The following ATP1A2 variants were observed in gnomAD, a reference collection of about 807,000 sequenced individuals.
The protein encoded by ATP1A2 is ATPase Na+/K+ transporting subunit alpha 2.
Under a neutral mutation model 113.1 loss-of-function variants are expected in ATP1A2, and 56 were observed. The ratio of observed to expected loss-of-function variants is 0.49; its 90% confidence interval spans 0.40 to 0.62. The LOEUF (loss-of-function observed/expected upper bound fraction) is 0.62, where lower values mean the gene tolerates loss of function less well. ATP1A2 is among the 20% of genes least tolerant of loss of function. ATP1A2 has a pLI of 0.00. For synonymous variants in ATP1A2, 490 were observed against 526.8 expected (o/e 0.93, Z 0.96); for missense variants, 712 against 1,357.8 (o/e 0.52, Z 7.47).
At chr1:160,120,834 T>C in intron 1 of ATP1A2, 72 bp from the exon 2 acceptor site, 3 of 1,484,794 alleles carry the variant, frequency 2.0e-6, no homozygotes, top group Non-Finnish European at 2.8e-6. Flanking sequence ...CTGGGCTCCC[T>C]GGCTGAGTGG....
intron 22 of ATP1A2, among the ~76,000 whole-genome samples, chr1:160,140,407 G>C (rs1558010586): frequency 6.6e-6 from 1 of 152,116 alleles, no homozygotes; most frequent in Admixed American, 6.6e-5. Flanking sequence ...ACAAGTTATT[G>C]TTTTTCCTAC....
chr1:160,120,360 G>A (rs953283706), intron 1 of ATP1A2, among the ~76,000 whole-genome samples: 3 of 151,960 alleles, frequency 2.0e-5, no homozygotes, highest in African/African-American at 7.3e-5. Context: ...ACCAGACCTG[G>A]CTCTCCTCTG....
intron 3 of ATP1A2, among the ~76,000 whole-genome samples, chr1:160,122,119 G>A (rs1290264536): frequency 2.0e-5 from 3 of 152,180 alleles, no homozygotes; most frequent in Non-Finnish European, 2.9e-5. Context: ...GCGATAGAGT[G>A]AGACTCCATC....
chr1:160,127,739 C>T lies in ATP1A2; in HGVS notation c.936C>T (p.Gly312=). ...VSFFVLSLIL[G]YSWLEAVIFL... is the part of the protein sequence containing the mutation. ...TCTTCGTGCTCTCCCTCATCCTGGG[C>T]TACAGCTGGCTGGAGGCAGTCATCT... is the stretch of plus-strand genomic sequence containing the variant. Residue 312 remains glycine, a synonymous_variant, in exon 8 of 23, where the codon GGC becomes GGT. Coordinates refer to ENST00000361216, the MANE Select transcript of ATP1A2 (RefSeq NM_000702.4). 1 of 1,614,214 alleles carries T rather than the reference C, an allele frequency of 6.2e-7. No individual in the cohort carries two copies. Among genetic ancestry groups the T allele is most frequent in the Non-Finnish European group, 8.5e-7 (1 of 1,180,022 alleles).
At chr1:160,117,003 C>T (rs1449133150) in intron 1 of ATP1A2, among the ~76,000 whole-genome samples, 3 of 152,006 alleles carry the variant, frequency 2.0e-5, no homozygotes, top group Non-Finnish European at 4.4e-5. Flanking sequence ...TCTCCATAGG[C>T]GGGGAGTCCT....
intron 4 of ATP1A2, 147 bp downstream of exon 4, chr1:160,123,563 T>C (rs1651489532): frequency 2.0e-6 from 2 of 998,380 alleles, no homozygotes; most frequent in Non-Finnish European, 1.5e-6. Context: ...GGGGAGAGGC[T>C]TCTATATATA....
intron 11 of ATP1A2, among the ~76,000 whole-genome samples, 161 bp downstream of exon 11, chr1:160,129,561 G>A (rs1651702466): frequency 6.6e-6 from 1 of 152,062 alleles, no homozygotes; most frequent in South Asian, 2.1e-4. Flanking sequence ...CTGCATGTCT[G>A]ATTGCAACTA....
At chr1:160,123,458 C>T (rs1651484886) in intron 4 of ATP1A2, 42 bp downstream of exon 4, 1 of 1,612,874 alleles carries the variant, frequency 6.2e-7, no homozygotes, top group African/African-American at 1.3e-5. Context: ...CGTGACTGTC[C>T]TCCAACCCTG....
intron 1 of ATP1A2, among the ~76,000 whole-genome samples, chr1:160,117,580 G>T (rs1271561882): frequency 6.6e-6 from 1 of 152,140 alleles, no homozygotes; most frequent in Non-Finnish European, 1.5e-5. Flanking sequence ...GGTATTTAGG[G>T]CCTGGAGCTT....
rs1360117487 is a variant in ATP1A2, at chr1:160,123,981, C to T, written c.420C>T (p.Val140=). ...TGGTGCTGGCAGCTGTGGTCATTGT[C>T]ACTGGCTGCTTCTCCTACTACCAGG... ...LGVVLAAVVI[V]TGCFSYYQEA... Residue 140 remains valine, a synonymous_variant, in exon 5 of 23, where the codon GTC becomes GTT. Transcript: ENST00000361216. 1 of 1,614,222 alleles carries T rather than the reference C, an allele frequency of 6.2e-7. No individual in the cohort carries two copies. The highest frequency in any genetic ancestry group is 1.1e-5 in the South Asian group (1 of 91,088).
At chr1:160,129,222 C>T (rs772762868) in intron 10 of ATP1A2, 44 bp from the exon 11 acceptor site, 1 of 1,613,946 alleles carries the variant, frequency 6.2e-7, no homozygotes, top group Non-Finnish European at 8.5e-7. Context: ...TCCTCCACTC[C>T]CTTCCCTCCC....
chr1:160,134,393 G>T, intron 13 of ATP1A2, 91 bp from the exon 14 acceptor site: 1 of 1,587,708 alleles, frequency 6.3e-7, no homozygotes, highest in Non-Finnish European at 8.6e-7. Context: ...CAGACATCTC[G>T]CTATCTAGCT....
rs554676937 is a variant in ATP1A2, at chr1:160,130,794, G to A, written c.1827+197G>A. On this transcript the variant is annotated intron_variant, in intron 13 of 22. Coordinates refer to ENST00000361216, the MANE Select transcript of ATP1A2 (RefSeq NM_000702.4). ...ACCCTTATCCCTTTTGCTCAGAGAG[G>A]CCAGTGTCCCATGCCCCTCCTCTCC... Among the ~76,000 whole-genome samples, 92 of 152,298 alleles carry A rather than the reference G, an allele frequency of 6.0e-4. 1 individual carries two copies. The highest frequency in any genetic ancestry group is 1.0e-3 in the Non-Finnish European group (69 of 68,012).
At chr1:160,129,216 C>T in intron 10 of ATP1A2, 50 bp from the exon 11 acceptor site, 2 of 1,613,758 alleles carry the variant, frequency 1.2e-6, no homozygotes, top group Non-Finnish European at 1.7e-6. Context: ...ACCTGATCCT[C>T]CACTCCCTTC....
At chr1:160,138,991 C>T (rs1233038300) in intron 20 of ATP1A2, among the ~76,000 whole-genome samples, 3 of 152,268 alleles carry the variant, frequency 2.0e-5, no homozygotes, top group South Asian at 2.1e-4. Context: ...AGAGAAGGAA[C>T]GTGAGGCTCA....
Position 160,135,746 on chromosome 1 carries a change from C to A in ATP1A2, c.2285-93C>A. 1 of 1,611,022 alleles carries A rather than the reference C, an allele frequency of 6.2e-7. No homozygotes were observed. ...TAGCTTCCCTTGAACACAAAATCTT[C>A]CTCTCTTGGGAAGACAGGCAGCCAT... On this transcript the variant is annotated intron_variant, in intron 16 of 22. Transcript: ENST00000361216. The surrounding 1 kb of genome is among the most constrained non-coding windows in gnomAD (Gnocchi z 6.3).
intron 22 of ATP1A2, 39 bp downstream of exon 22, chr1:160,140,023 C>T: frequency 6.3e-7 from 1 of 1,590,504 alleles, no homozygotes; most frequent in Middle Eastern, 1.7e-4. Context: ...AGTGCAAGCC[C>T]CACCACCAGC....
chr1:160,142,736 A>G lies in ATP1A2; in HGVS notation c.*1414A>G, dbSNP rs1652190420. On this transcript the variant is annotated 3_prime_UTR_variant, in exon 23 of 23. Transcript: ENST00000361216. ...AGGAGAATTGCTTGAACCTGTGAGGAAGAGGTTGCAGTGAGCTGAGATCGT... is the reference window on the plus strand; with the variant it reads ...AGGAGAATTGCTTGAACCTGTGAGGGAGAGGTTGCAGTGAGCTGAGATCGT... The G allele has an allele frequency of 6.6e-6, 1 of 151,980 alleles. No homozygotes were observed. Among genetic ancestry groups the G allele is most frequent in the Non-Finnish European group, 1.5e-5 (1 of 68,032 alleles). 9.4% of individuals were successfully genotyped at this position (151,980 alleles called of 1,614,324 possible). A position where few individuals can be genotyped will look rare whatever the true frequency, so the allele number is the denominator to read the frequency against.
At chr1:160,133,958 A>T (rs1362662466) in intron 13 of ATP1A2, among the ~76,000 whole-genome samples, 1 of 152,006 alleles carries the variant, frequency 6.6e-6, no homozygotes, top group South Asian at 2.1e-4. Context: ...ACATAACTCA[A>T]CTTGCCATTA....
Sources: allele counts gnomAD v4.1 joint callset (sites outside exome capture counted in the v4.1 genomes callset), GRCh38; gene constraint gnomAD v4.1.1; non-coding constraint Gnocchi (gnomAD v3.1); transcripts MANE v1.5; gene names NCBI Gene and HGNC (gene_info 2026-07-23, HGNC 2026-07-21).